Variants in EDARADD observed in about 807,000 individuals in gnomAD.
EDARADD encodes EDAR associated via death domain, also known as ectodysplasin-A receptor-associated adapter protein.
A neutral mutation model predicts 25.6 loss-of-function variants in EDARADD; 20 were observed. The ratio of observed to expected loss-of-function variants is 0.78; its 90% CI spans 0.55 to 1.14. EDARADD has a LOEUF of 1.14. EDARADD is among the 50% of genes most tolerant of loss of function. EDARADD has a pLI of 0.00. For synonymous variants in EDARADD, 86 were observed against 94.4 expected, an observed-to-expected ratio of 0.91 and a Z score of 0.52; for missense variants, 225 against 270.1, an observed-to-expected ratio of 0.83 and a Z score of 1.17.
chr1:236,454,392 C>A (rs566084505), intron 4 of EDARADD, among the ~76,000 whole-genome samples: 1 of 152,272 alleles, frequency 6.6e-6, no homozygotes, highest in Admixed American at 6.5e-5. Context: ...GTCTTTGACC[C>A]CTCACACACC....
In EDARADD at chr1:236,464,100, G is replaced by A. The variant is rs147176167; in HGVS notation, c.220-4131G>A. 2.6e-3 allele frequency among the ~76,000 whole-genome samples: 394 copies of A among 152,228 alleles called. 2 individuals carry two copies. Among genetic ancestry groups the A allele is most frequent in the African/African-American group, 9.1e-3 (376 of 41,528 alleles). Reference sequence around the variant, plus strand: ...ATTTCAGGCCTACACAACCACACGCGTGTTCTTCAGCCATCTCCATGGCCT... The same window carrying A: ...ATTTCAGGCCTACACAACCACACGCATGTTCTTCAGCCATCTCCATGGCCT... On this transcript the variant is annotated intron_variant, in intron 4 of 5. Transcript: ENST00000334232.
At chr1:236,351,337 G>C (rs1666913726) in intron 3 of EDARADD, among the ~76,000 whole-genome samples, 1 of 152,030 alleles carries the variant, frequency 6.6e-6, no homozygotes. Context: ...GTTGATACCG[G>C]TGGGCCAGAG....
chr1:236,455,313 G>A (rs558248351), intron 4 of EDARADD, among the ~76,000 whole-genome samples: 7 of 152,182 alleles, frequency 4.6e-5, no homozygotes, highest in South Asian at 4.1e-4. Flanking sequence ...CTGCAGACCC[G>A]AAGTCATTAC....
chr1:236,385,543 C>G (rs139382286), intron 3 of EDARADD, among the ~76,000 whole-genome samples: 5,048 of 151,558 alleles, frequency 0.033, 313 homozygotes, highest in African/African-American at 0.11. Flanking sequence ...GGCCAACATG[C>G]TGAAACCCCG....
chr1:236,446,660 G>T (rs562945366), intron 4 of EDARADD, among the ~76,000 whole-genome samples: 8 of 152,200 alleles, frequency 5.3e-5, no homozygotes, highest in African/African-American at 1.9e-4. Flanking sequence ...GTGTCAAAAT[G>T]CTGTGCATGA....
At chr1:236,482,157 T>A in intron 5 of EDARADD, 110 bp from the exon 6 acceptor site, 2 of 1,283,460 alleles carry the variant, frequency 1.6e-6, no homozygotes, top group Non-Finnish European at 1.1e-6. Context: ...TCTGAAATAG[T>A]CTTCCATATG....
chr1:236,473,913 C>T (rs1413219703), intron 5 of EDARADD, among the ~76,000 whole-genome samples: 1 of 152,054 alleles, frequency 6.6e-6, no homozygotes, highest in Admixed American at 6.6e-5. Context: ...GGACTATAGG[C>T]GTGCACCACC....
chr1:236,468,726 G>A (rs900888343), intron 5 of EDARADD, among the ~76,000 whole-genome samples: 2 of 152,158 alleles, frequency 1.3e-5, no homozygotes, highest in Non-Finnish European at 2.9e-5. Flanking sequence ...GCACTGCAGG[G>A]AAAGCCGTAT....
Position 236,422,898 on chromosome 1 carries a change from C to T in EDARADD, c.161-4494C>T, listed in dbSNP as rs184741391. Among the ~76,000 whole-genome samples the T allele has an allele frequency of 1.1e-3, 172 of 152,272 alleles. 1 individual carries two copies. Among genetic ancestry groups the T allele is most frequent in the African/African-American group, 4.0e-3 (166 of 41,560 alleles). On this transcript the variant is annotated intron_variant, in intron 3 of 5. Transcript: ENST00000334232. ...CCATGACCCAAGGCATAATGGACAG[C>T]GCAGTATGGAGGGTCACAGCTAGTG...
intron 5 of EDARADD, among the ~76,000 whole-genome samples, chr1:236,476,957 A>C (rs890150081): frequency 3.3e-5 from 5 of 151,330 alleles, no homozygotes; most frequent in Non-Finnish European, 4.4e-5. Context: ...GCAGCACTGC[A>C]CTCCAGCCTG....
upstream of EDARADD, among the ~76,000 whole-genome samples, chr1:236,391,940 G>T (rs1667431497): frequency 6.6e-6 from 1 of 152,098 alleles, no homozygotes; most frequent in Non-Finnish European, 1.5e-5. Flanking sequence ...AAGCCACTTT[G>T]CTTCCATACA....
At chr1:236,418,174 C>G (rs180963422) in intron 3 of EDARADD, among the ~76,000 whole-genome samples, 1 of 151,658 alleles carries the variant, frequency 6.6e-6, no homozygotes, top group Admixed American at 6.6e-5. Flanking sequence ...AGGATGGTCT[C>G]GATCTCCTGA....
chr1:236,448,760 G>A (rs1040861865), intron 4 of EDARADD, among the ~76,000 whole-genome samples: 2 of 152,214 alleles, frequency 1.3e-5, no homozygotes, highest in Admixed American at 1.3e-4. Context: ...TAACCAATGT[G>A]CATTTCTGAT....
In EDARADD at chr1:236,478,357, A is replaced by ATGTGTG. The variant is rs746114148; in HGVS notation, c.266-3909_266-3908insGTGTGT. On this transcript the variant is annotated intron_variant, in intron 5 of 5. Transcript: ENST00000334232. ...AATAGTTTATCCAAAATCCATATAT[A>ATGTGTG]TATGTGTGTGTGTGTGTGTGTGTGT... 1.1e-3 allele frequency among the ~76,000 whole-genome samples: 139 copies of ATGTGTG among 128,302 alleles called. 1 individual carries two copies. The highest frequency in any genetic ancestry group is 1.6e-3 in the Admixed American group (20 of 12,790). 84.2% of individuals were successfully genotyped at this position (128,302 alleles called of 152,430 possible). A position where few individuals can be genotyped will look rare whatever the true frequency, so the allele number is the denominator to read the frequency against.
Position 236,395,383 on chromosome 1 carries a change from G to A in EDARADD, c.61+878G>A, listed in dbSNP as rs1225456098. The A allele has an allele frequency of 7.2e-6, 10 of 1,394,118 alleles. No individual in the cohort carries two copies. The highest frequency in any genetic ancestry group is 3.0e-5 in the South Asian group (2 of 67,054). 86.4% of individuals were successfully genotyped at this position (1,394,118 alleles called of 1,614,324 possible). A position where few individuals can be genotyped will look rare whatever the true frequency, so the allele number is the denominator to read the frequency against. Reference sequence around the variant, plus strand: ...TCCCGCCCCGCGCCTCTGGAGGGAGGTACCGAGGGACGCGCAGCGAAGGGG... The same window carrying A: ...TCCCGCCCCGCGCCTCTGGAGGGAGATACCGAGGGACGCGCAGCGAAGGGG... On this transcript the variant is annotated intron_variant, in intron 1 of 5. Coordinates refer to ENST00000334232, the MANE Select transcript of EDARADD (RefSeq NM_145861.4). The surrounding 1 kb of genome is among the most constrained non-coding windows in gnomAD (Gnocchi z 6.9).
chr1:236,390,257 C>A (rs1667405524), upstream of EDARADD, among the ~76,000 whole-genome samples: 1 of 152,214 alleles, frequency 6.6e-6, no homozygotes, highest in African/African-American at 2.4e-5. Flanking sequence ...CAAACCACCA[C>A]TAAAGAACTT....
At chr1:236,392,481 T>A (rs1357338001), upstream of EDARADD, among the ~76,000 whole-genome samples, 2 of 134,102 alleles carry the variant, frequency 1.5e-5, no homozygotes, top group Non-Finnish European at 3.1e-5. Context: ...TGTACCACCA[T>A]GCTCAGCTAA....
chr1:236,351,553 T>TA (rs1277126537), intron 3 of EDARADD, among the ~76,000 whole-genome samples: 1 of 151,684 alleles, frequency 6.6e-6, no homozygotes, highest in Non-Finnish European at 1.5e-5. Flanking sequence ...CTTCTAAAAA[T>TA]ACAAAAATTA....
At chr1:236,439,617 A>G (rs927554981) in intron 4 of EDARADD, among the ~76,000 whole-genome samples, 2 of 152,190 alleles carry the variant, frequency 1.3e-5, no homozygotes, top group Non-Finnish European at 2.9e-5. Context: ...GTAGAGCATC[A>G]TTTTATAGCT....
Sources: gnomAD v4.1 joint callset for allele counts (sites outside exome capture counted in the v4.1 genomes callset) on GRCh38, gnomAD v4.1.1 for gene constraint, Gnocchi (gnomAD v3.1) non-coding constraint, MANE v1.5 for transcripts, NCBI Gene and HGNC (gene_info 2026-07-23, HGNC 2026-07-21) for gene names.